The following MTUS1 variants were observed in gnomAD, a reference collection of about 807,000 sequenced individuals.
MTUS1 encodes microtubule associated scaffold protein 1.
MTUS1 carries 109 observed loss-of-function variants against 120.8 expected under a neutral mutation model. That is an observed-to-expected ratio of 0.90 (90% CI 0.77 to 1.06). The LOEUF (loss-of-function observed/expected upper bound fraction) is 1.06, where lower values mean the gene tolerates loss of function less well. Among genes scored for constraint, MTUS1 ranks in the 50% least tolerant of loss-of-function variants. MTUS1 has a pLI of 0.00. For missense variants in MTUS1, 2,210 were observed against 1,486.3 expected (o/e 1.49, Z -8.01); for synonymous variants, 737 against 550.5 (o/e 1.34, Z -4.74).
At chr8:17,651,829 G>A (rs1029080110) in intron 12 of MTUS1, 9 of 152,062 alleles carry the variant, frequency 5.9e-5, no homozygotes, top group African/African-American at 1.9e-4. Context: ...TTTGTGTACC[G>A]GAAGCTCTTT....
intron 1 of MTUS1, among the ~76,000 whole-genome samples, chr8:17,769,629 G>C (rs550790918): frequency 1.3e-5 from 2 of 152,162 alleles, no homozygotes; most frequent in African/African-American, 4.8e-5. Flanking sequence ...TTACAGGCGT[G>C]AGCCACCCGC....
At chr8:17,717,238 T>C (rs1822513498) in intron 4 of MTUS1, among the ~76,000 whole-genome samples, 10 of 152,212 alleles carry the variant, frequency 6.6e-5, no homozygotes. Flanking sequence ...GCTGAGAAAA[T>C]TCTGTCAATT....
rs1445155516 is a variant in MTUS1 at position 17,654,577 on chromosome 8, A to G, written c.3198T>C (p.Tyr1066=). ...SEKLELLKKA[Y]EASLSEIKKG... ...CATCCTTGCCTGAAAGGGAGGCTTC[A>G]TAGGCCTTCTTTAGCAATTCAAGTT... Residue 1066 remains tyrosine (Y), a synonymous_variant, in exon 10 of 15, where the codon TAT becomes TAC. Coordinates refer to ENST00000693296, the MANE Select transcript of MTUS1 (RefSeq NM_001363059.2). The G allele has an allele frequency of 1.9e-6, 3 of 1,611,770 alleles. No individual in the cohort carries two copies. The highest frequency in any genetic ancestry group is 1.7e-5 in the Admixed American group (1 of 60,032).
At chr8:17,704,622 C>T (rs117115790) in intron 6 of MTUS1, among the ~76,000 whole-genome samples, 4,077 of 152,196 alleles carry the variant, frequency 0.027, 73 homozygotes, top group Non-Finnish European at 0.04. Context: ...TTCCATCGGT[C>T]TATGTTTCTA....
At chr8:17,721,694 C>A in intron 4 of MTUS1, 4 of 1,541,796 alleles carry the variant, frequency 2.6e-6, no homozygotes, top group Non-Finnish European at 3.5e-6. Flanking sequence ...GAAAAGAAAC[C>A]AGAAATCGTC....
At position 17,713,270 on chromosome 8, in the gene MTUS1, C is replaced by T; in HGVS notation, c.2585-18G>A. On this transcript the variant is annotated intron_variant, in intron 5 of 14. Coordinates refer to ENST00000693296, the MANE Select transcript of MTUS1 (RefSeq NM_001363059.2). ...CGAAGGACCTAAGATATAAAAGAAA[C>T]ATGTAAAATACATATGTTTTATTTG... The T allele has an allele frequency of 4.9e-6, 7 of 1,417,124 alleles. No homozygotes were observed. Among genetic ancestry groups the T allele is most frequent in the Non-Finnish European group, 6.9e-6 (7 of 1,008,260 alleles). The allele number at this position is 1,417,124 out of a possible 1,614,324, so 87.8% of individuals were successfully genotyped here.
At chr8:17,737,125 C>G (rs1374634044) in intron 3 of MTUS1, among the ~76,000 whole-genome samples, 1 of 152,154 alleles carries the variant, frequency 6.6e-6, no homozygotes, top group Non-Finnish European at 1.5e-5. Context: ...GTCAAGACTT[C>G]TGCATGCACG....
chr8:17,668,797 A>C (rs765847405), intron 8 of MTUS1, among the ~76,000 whole-genome samples: 9 of 152,120 alleles, frequency 5.9e-5, no homozygotes, highest in Non-Finnish European at 1.2e-4. Context: ...AGTACCCGAT[A>C]GTTATTTTTT....
chr8:17,759,131 T>C (rs2048849280), intron 1 of MTUS1, among the ~76,000 whole-genome samples: 1 of 152,322 alleles, frequency 6.6e-6, no homozygotes, highest in East Asian at 1.9e-4. Context: ...TCCGCCCGCC[T>C]CGGCCTCCCA....
chr8:17,702,476 ATGCTG>A (rs1392998240), intron 6 of MTUS1, among the ~76,000 whole-genome samples: 1 of 152,234 alleles, frequency 6.6e-6, no homozygotes, highest in Non-Finnish European at 1.5e-5. Flanking sequence ...TGTAGGCACA[ATGCTG>A]TAACAAACAT....
intron 1 of MTUS1, among the ~76,000 whole-genome samples, chr8:17,784,507 C>T (rs532127021): frequency 1.9e-4 from 29 of 152,244 alleles, no homozygotes; most frequent in African/African-American, 7.0e-4. Context: ...ATTGGCCAGG[C>T]TGGTTTTGAA....
intron 6 of MTUS1, among the ~76,000 whole-genome samples, chr8:17,702,923 A>C (rs1819388722): frequency 6.6e-6 from 1 of 152,148 alleles, no homozygotes; most frequent in South Asian, 2.1e-4. Context: ...CACTTCTCTA[A>C]AAATACTCTT....
At chr8:17,748,391 C>G (rs561466548) in intron 2 of MTUS1, among the ~76,000 whole-genome samples, 10 of 152,252 alleles carry the variant, frequency 6.6e-5, no homozygotes, top group African/African-American at 2.2e-4. Context: ...GTCCATGTGA[C>G]CCAATTCTTC....
chr8:17,734,455 G>A (rs573158495), intron 3 of MTUS1, among the ~76,000 whole-genome samples: 1 of 151,978 alleles, frequency 6.6e-6, no homozygotes, highest in African/African-American at 2.4e-5. Context: ...ATTTGACAAA[G>A]GAGCAAAAAG....
At chr8:17,716,113 T>C (rs1218994102) in intron 4 of MTUS1, among the ~76,000 whole-genome samples, 4 of 152,192 alleles carry the variant, frequency 2.6e-5, no homozygotes, top group Non-Finnish European at 4.4e-5. Flanking sequence ...CCACACATCC[T>C]GGTTAGCCTG....
intron 8 of MTUS1, chr8:17,663,893 G>A (rs6586621): frequency 0.6 from 91,631 of 152,212 alleles, 29,064 homozygotes; most frequent in Middle Eastern, 0.81. Flanking sequence ...ACCGCACCTG[G>A]CCTAAGCCTA....
chr8:17,777,015 T>C (rs1470703264), intron 1 of MTUS1, among the ~76,000 whole-genome samples: 4 of 152,168 alleles, frequency 2.6e-5, no homozygotes, highest in African/African-American at 7.2e-5. Context: ...AACAACCCCC[T>C]TTCTCTGAAC....
At chr8:17,756,686 G>A (rs545592281) in intron 1 of MTUS1, among the ~76,000 whole-genome samples, 317 of 25,240 alleles carry the variant, frequency 0.013, 3 homozygotes, top group African/African-American at 0.033. Context: ...CACCCCTTAT[G>A]TAACTATGTT....
Position 17,653,213 on chromosome 8 carries a change from T to C in MTUS1, c.3357A>G (p.Lys1119=). The C allele has an allele frequency of 6.4e-7, 1 of 1,553,408 alleles. No individual in the cohort carries two copies. ...AATTTGCTTTTTCTCTTGCTCTTCTTTTTTGTTCTTCTGATTTCAATTTTT... is the reference window on the plus strand; with the variant it reads ...AATTTGCTTTTTCTCTTGCTCTTCTCTTTTGTTCTTCTGATTTCAATTTTT... ...LNEKLKSEEQ[K]RRAREKANLK... The change falls in exon 12 of 15, where the codon AAA becomes AAG. Residue 1119 remains lysine, a synonymous_variant. Coordinates refer to ENST00000693296, the MANE Select transcript of MTUS1 (RefSeq NM_001363059.2).
Sources: gnomAD v4.1 joint callset for allele counts (sites outside exome capture counted in the v4.1 genomes callset) on GRCh38, gnomAD v4.1.1 for gene constraint, MANE v1.5 for transcripts, NCBI Gene and HGNC (gene_info 2026-07-23, HGNC 2026-07-21) for gene names.